Variants in PRIMPOL observed in about 807,000 individuals in gnomAD.
PRIMPOL encodes the protein primase and DNA directed polymerase, also known as DNA-directed primase/polymerase protein.
In PRIMPOL, 54 loss-of-function variants were observed where a neutral mutation model predicts 63.6. The observed-to-expected ratio is 0.85, with a 90% confidence interval of 0.68 to 1.07. PRIMPOL has a LOEUF of 1.07. PRIMPOL is among the 50% of genes least tolerant of loss of function. The pLI is 0.00. For synonymous variants in PRIMPOL, 197 were observed against 220.2 expected, an observed-to-expected ratio of 0.89 and a Z score of 0.93; for missense variants, 610 against 648.3, an observed-to-expected ratio of 0.94 and a Z score of 0.64.
At chr4:184,677,248 C>T (rs188244641) in intron 7 of PRIMPOL, among the ~76,000 whole-genome samples, 19 of 151,898 alleles carry the variant, frequency 1.3e-4, no homozygotes, top group Non-Finnish European at 2.4e-4. Flanking sequence ...AGGCACAAGC[C>T]ACTGCACCTG....
intron 3 of PRIMPOL, among the ~76,000 whole-genome samples, chr4:184,658,274 C>G (rs1406146919): frequency 6.6e-6 from 1 of 152,004 alleles, no homozygotes; most frequent in African/African-American, 2.4e-5. Context: ...TAAGAAATAC[C>G]TTTCTTAGGC....
chr4:184,678,526 T>A, intron 8 of PRIMPOL, 132 bp downstream of exon 8: 7 of 119,714 alleles, frequency 5.8e-5, no homozygotes, highest in Non-Finnish European at 1.1e-4. Context: ...CTTACAGCTC[T>A]TTTTTTTTTT....
chr4:184,657,034 A>G, intron 2 of PRIMPOL, 48 bp from the exon 3 acceptor site: 2 of 802,312 alleles, frequency 2.5e-6, no homozygotes, highest in Non-Finnish European at 3.5e-6. Context: ...AACAAAATAT[A>G]TTCTAAACAA....
At position 184,654,453 on chromosome 4, in the gene PRIMPOL, G is replaced by GTTTTTTTTTTTTTT. The variant is rs1553985960; in HGVS notation, c.-60+2355_-60+2368dup. On this transcript the variant is annotated intron_variant, in intron 2 of 13. Transcript: ENST00000314970. ...CACTTTGTATTGACAAGTTAAAGCA[G>GTTTTTTTTTTTTTT]TTTTTTTTTTTTTTTGAGACAGAGT... is the stretch of plus-strand genomic sequence containing the variant. 2.1e-3 allele frequency among the ~76,000 whole-genome samples: 69 copies of GTTTTTTTTTTTTTT among 33,524 alleles called. No homozygotes were observed. The East Asian group carries it at 0.082, about 40-fold the overall frequency. 22.0% of individuals were successfully genotyped at this position (33,524 alleles called of 152,430 possible). A position where few individuals can be genotyped will look rare whatever the true frequency, so the allele number is the denominator to read the frequency against.
At chr4:184,668,085 C>G (rs1189847554) in intron 6 of PRIMPOL, among the ~76,000 whole-genome samples, 15 of 152,196 alleles carry the variant, frequency 9.9e-5, no homozygotes, top group Non-Finnish European at 1.5e-5. Context: ...GATCAGCCAC[C>G]ATCATGGCTT....
intron 6 of PRIMPOL, among the ~76,000 whole-genome samples, chr4:184,668,464 G>A (rs372351432): frequency 6.4e-4 from 97 of 152,234 alleles, no homozygotes; most frequent in Admixed American, 2.6e-3. Flanking sequence ...CTTGCAAAGC[G>A]AGGCCCGCTG....
chr4:184,654,453 G>GTTTTTTTTTTTGTT lies in PRIMPOL; in HGVS notation c.-60+2364_-60+2365insGTTTTTTTTTTTTT, dbSNP rs1553985961. ...CACTTTGTATTGACAAGTTAAAGCAGTTTTTTTTTTTTTTTGAGACAGAGT... is the reference window on the plus strand; with the variant it reads ...CACTTTGTATTGACAAGTTAAAGCAGTTTTTTTTTTTGTTTTTTTTTTTTTTTTTGAGACAGAGT... On this transcript the variant is annotated intron_variant, in intron 2 of 13. Coordinates refer to ENST00000314970, the MANE Select transcript of PRIMPOL (RefSeq NM_152683.4). 4.4e-3 allele frequency among the ~76,000 whole-genome samples: 148 copies of GTTTTTTTTTTTGTT among 33,570 alleles called. 1 individual carries two copies. The Admixed American group carries it at 0.049, about 11-fold the overall frequency. 22.0% of individuals were successfully genotyped at this position (33,570 alleles called of 152,430 possible). A position where few individuals can be genotyped will look rare whatever the true frequency, so the allele number is the denominator to read the frequency against.
chr4:184,661,710 G>A, intron 4 of PRIMPOL, 64 bp from the exon 5 acceptor site: 1 of 1,148,214 alleles, frequency 8.7e-7, no homozygotes, highest in Non-Finnish European at 1.2e-6. Context: ...GTCTCAGTCA[G>A]TCAATCAATC....
intron 3 of PRIMPOL, 46 bp from the exon 4 acceptor site, chr4:184,659,294 T>A (rs748957199): frequency 7.0e-7 from 1 of 1,436,496 alleles, no homozygotes; most frequent in Non-Finnish European, 9.8e-7. Context: ...TGAGTTTAGG[T>A]TTGCATTTTG....
In PRIMPOL at chr4:184,678,254, C is replaced by T. The variant is rs768043576; in HGVS notation, c.867C>T (p.Asn289=). 6.9e-6 allele frequency: 11 copies of T among 1,585,408 alleles called. No individual in the cohort carries two copies. The highest frequency in any genetic ancestry group is 9.4e-6 in the Non-Finnish European group (11 of 1,170,176). The change falls in exon 8 of 14, where the codon AAC becomes AAT. Residue 289 remains asparagine, a synonymous_variant. Transcript: ENST00000314970. ...TAGGAGTTTATACAAGAAATAGAAA[C>T]TTTCGGCTATATAAATCATCAAAAA... ...VDLGVYTRNR[N]FRLYKSSKIG...
At chr4:184,685,164 TGAA>T (rs936609342) in intron 9 of PRIMPOL, among the ~76,000 whole-genome samples, 3 of 152,196 alleles carry the variant, frequency 2.0e-5, no homozygotes, top group Non-Finnish European at 4.4e-5. Flanking sequence ...TTTGCCAAAA[TGAA>T]GACAGCAGTT....
chr4:184,655,157 C>T (rs998269787), intron 2 of PRIMPOL, among the ~76,000 whole-genome samples: 1 of 151,920 alleles, frequency 6.6e-6, no homozygotes, highest in Non-Finnish European at 1.5e-5. Context: ...TTACAGGTGC[C>T]CGCCACCACG....
At chr4:184,691,306 T>C (rs1056056530) in intron 11 of PRIMPOL, 193 bp from the exon 12 acceptor site, 27 of 508,436 alleles carry the variant, frequency 5.3e-5, no homozygotes, top group Admixed American at 4.5e-4. Flanking sequence ...ATCTACTTTT[T>C]GCCCTGCAGT....
intron 1 of PRIMPOL, among the ~76,000 whole-genome samples, chr4:184,650,490 T>G (rs1466990945): frequency 5.7e-5 from 3 of 52,970 alleles, no homozygotes; most frequent in African/African-American, 7.5e-5. Flanking sequence ...GGATGCGGAC[T>G]ATTTTTTTAT....
chr4:184,669,673 A>G (rs1422786939), intron 6 of PRIMPOL, among the ~76,000 whole-genome samples: 1 of 152,244 alleles, frequency 6.6e-6, no homozygotes, highest in Non-Finnish European at 1.5e-5. Context: ...TTCATTGTAT[A>G]GTCAAAGGTA....
chr4:184,661,969 AT>A, intron 5 of PRIMPOL, 66 bp downstream of exon 5: 2 of 1,472,426 alleles, frequency 1.4e-6, no homozygotes, highest in Non-Finnish European at 1.9e-6. Flanking sequence ...CATTCAGTGA[AT>A]TCAGCCTACA....
intron 7 of PRIMPOL, among the ~76,000 whole-genome samples, chr4:184,675,885 G>A (rs1753181199): frequency 1.3e-5 from 2 of 152,194 alleles, no homozygotes; most frequent in South Asian, 4.2e-4. Flanking sequence ...AACCCTTGTT[G>A]TTCAAGGGTA....
At chr4:184,671,235 C>T (rs190290157) in intron 6 of PRIMPOL, among the ~76,000 whole-genome samples, 5 of 152,146 alleles carry the variant, frequency 3.3e-5, no homozygotes, top group South Asian at 2.1e-4. Flanking sequence ...CGTAGTCCAT[C>T]GTGTGCCCAG....
chr4:184,666,629 T>C (rs1046785707), intron 6 of PRIMPOL, among the ~76,000 whole-genome samples: 1 of 152,200 alleles, frequency 6.6e-6, no homozygotes, highest in African/African-American at 2.4e-5. Context: ...TGGTTTCTGC[T>C]CCAACATGAT....
Sources: allele counts gnomAD v4.1 joint callset (sites outside exome capture counted in the v4.1 genomes callset), GRCh38; gene constraint gnomAD v4.1.1; transcripts MANE v1.5; gene names NCBI Gene and HGNC (gene_info 2026-07-23, HGNC 2026-07-21).